Variants in MYO5C observed in about 807,000 individuals in gnomAD.
The protein encoded by MYO5C is unconventional myosin-Vc.
Under a neutral mutation model 235.7 loss-of-function variants are expected in MYO5C, and 194 were observed. The observed-to-expected ratio is 0.82, with a 90% confidence interval of 0.73 to 0.93. MYO5C has a LOEUF of 0.93. Ranked by LOEUF, MYO5C falls within the 40% of genes least tolerant of loss-of-function variation. The probability of loss-of-function intolerance (pLI) is 0.00; values close to 1 mark genes in which losing one functional copy is unlikely to be tolerated. For synonymous variants in MYO5C, 707 were observed against 754.8 expected (o/e 0.94, Z 1.04); for missense variants, 2,038 against 2,127.2 (o/e 0.96, Z 0.82).
At chr15:52,272,834 T>C (rs2036956078) in intron 5 of MYO5C, 111 bp from the exon 6 acceptor site, 3 of 1,077,400 alleles carry the variant, frequency 2.8e-6, no homozygotes, top group East Asian at 2.5e-5. Context: ...GAAGGTCTGA[T>C]TGGCAGAGGG....
intron 1 of MYO5C, among the ~76,000 whole-genome samples, chr15:52,291,634 C>T (rs1235085272): frequency 6.6e-6 from 1 of 151,688 alleles, no homozygotes; most frequent in Non-Finnish European, 1.5e-5. Context: ...CCCCAGCCTT[C>T]ATCCTTGTTG....
At chr15:52,262,716 T>G (rs893392589) in intron 9 of MYO5C, among the ~76,000 whole-genome samples, 4 of 152,222 alleles carry the variant, frequency 2.6e-5, no homozygotes, top group African/African-American at 9.6e-5. Context: ...CATGCTCCAC[T>G]CAGCTCTGCT....
chr15:52,269,366 C>T (rs2036872004), intron 8 of MYO5C, among the ~76,000 whole-genome samples: 1 of 148,884 alleles, frequency 6.7e-6, no homozygotes, highest in Non-Finnish European at 1.5e-5. Context: ...TACACATTTG[C>T]TGGGAATCCC....
At chr15:52,280,821 G>T (rs1041653358) in intron 2 of MYO5C, among the ~76,000 whole-genome samples, 1 of 152,174 alleles carries the variant, frequency 6.6e-6, no homozygotes, top group Non-Finnish European at 1.5e-5. Context: ...GTTGTCCAAG[G>T]TCACACAGTT....
Position 52,269,779 on chromosome 15 carries a change from T to A in MYO5C, c.914A>T (p.Glu305Val), listed in dbSNP as rs372576815. The change falls in exon 8 of 41, where the codon GAG (glutamate) becomes GTG (valine). Residue 305 changes from glutamate (E) to valine (V), a missense_variant. Physicochemically the swap from Glu to Val is moderately radical, Grantham distance 121. Coordinates refer to ENST00000261839, the MANE Select transcript of MYO5C (RefSeq NM_018728.4). ...EGVNDRAEMVETQKTFTLLGF... is the reference protein window; with the variant it reads ...EGVNDRAEMVVTQKTFTLLGF... The stretch of plus-strand genomic sequence containing the variant: ...CAGAAGCGTGAAGGTCTTTTGAGTC[T>A]CTACCATTTCAGCTCGATCATTCAC... 36 of 1,613,042 alleles carry A rather than the reference T, an allele frequency of 2.2e-5. No individual in the cohort carries two copies. The highest frequency in any genetic ancestry group is 2.8e-5 in the Non-Finnish European group (33 of 1,179,244).
At chr15:52,223,121 C>A (rs1375926421) in intron 29 of MYO5C, among the ~76,000 whole-genome samples, 1 of 148,388 alleles carries the variant, frequency 6.7e-6, no homozygotes, top group African/African-American at 2.5e-5. Context: ...TGCACTCCAG[C>A]CTGGGCAACA....
At chr15:52,198,291 C>T (rs748355607) in intron 38 of MYO5C, among the ~76,000 whole-genome samples, 7 of 152,110 alleles carry the variant, frequency 4.6e-5, no homozygotes, top group Non-Finnish European at 8.8e-5. Context: ...CCTGAGATTG[C>T]ACCACTGTAG....
At chr15:52,220,507 C>T (rs988628400) in intron 30 of MYO5C, among the ~76,000 whole-genome samples, 3 of 152,026 alleles carry the variant, frequency 2.0e-5, no homozygotes, top group Non-Finnish European at 4.4e-5. Context: ...CGCATACTGC[C>T]AAGCCTGACT....
Position 52,193,723 on chromosome 15 carries a change from T to TA in MYO5C, c.*178dup, listed in dbSNP as rs1252738288. ...AATACAGCTGGTGTGTGTGAATTCTTACAAAATTACAGGAGCAGCATTGTC... is the reference window on the plus strand; with the variant it reads ...AATACAGCTGGTGTGTGTGAATTCTTAACAAAATTACAGGAGCAGCATTGTC... On this transcript the variant is annotated 3_prime_UTR_variant, in exon 41 of 41. Coordinates refer to ENST00000261839, the MANE Select transcript of MYO5C (RefSeq NM_018728.4). 2 of 636,406 alleles carry TA rather than the reference T, an allele frequency of 3.1e-6. No individual in the cohort carries two copies. The highest frequency in any genetic ancestry group is 5.3e-6 in the Non-Finnish European group (2 of 376,684). The allele number at this position is 636,406 out of a possible 1,614,324, so 39.4% of individuals were successfully genotyped here. A position where few individuals can be genotyped will look rare whatever the true frequency, so the allele number is the denominator to read the frequency against.
chr15:52,217,540 C>A (rs966602032), intron 32 of MYO5C, among the ~76,000 whole-genome samples: 7 of 152,178 alleles, frequency 4.6e-5, no homozygotes, highest in Non-Finnish European at 8.8e-5. Context: ...GGACAACAGG[C>A]GGTTGCTTCT....
rs993311548 is a variant in MYO5C at position 52,221,053 on chromosome 15, C to T, written c.3721+109G>A. 5 of 769,688 alleles carry T rather than the reference C, an allele frequency of 6.5e-6. No homozygotes were observed. The African/African-American group carries it at 8.8e-5, about 14-fold the overall frequency. The allele number at this position is 769,688 out of a possible 1,614,324, so 47.7% of individuals were successfully genotyped here. Reference sequence around the variant, plus strand: ...TTCTCACATTTGTTACCTGCCCAGCCCCCTAGAGAACCAGAGTTTAAAAGC... The same window carrying T: ...TTCTCACATTTGTTACCTGCCCAGCTCCCTAGAGAACCAGAGTTTAAAAGC... On this transcript the variant is annotated intron_variant, in intron 30 of 40. Transcript: ENST00000261839.
chr15:52,287,551 T>C (rs1281776180), intron 1 of MYO5C, among the ~76,000 whole-genome samples: 1 of 152,188 alleles, frequency 6.6e-6, no homozygotes, highest in African/African-American at 2.4e-5. Context: ...TATCAAAATA[T>C]ATGCCCCCCA....
intron 39 of MYO5C, among the ~76,000 whole-genome samples, 169 bp downstream of exon 39, chr15:52,196,140 T>A (rs552309118): frequency 1.4e-4 from 21 of 152,056 alleles, no homozygotes; most frequent in Admixed American, 1.2e-3. Flanking sequence ...CTAGTGTTAG[T>A]ATTTAATAAA....
At chr15:52,209,698 C>T (rs374449330) in intron 35 of MYO5C, among the ~76,000 whole-genome samples, 2 of 152,184 alleles carry the variant, frequency 1.3e-5, no homozygotes, top group East Asian at 1.9e-4. Context: ...ACAATGCCAG[C>T]TTGTCTTAAG....
At chr15:52,243,860 G>T (rs2036278059) in intron 19 of MYO5C, among the ~76,000 whole-genome samples, 1 of 152,178 alleles carries the variant, frequency 6.6e-6, no homozygotes. Context: ...GGCTTGGCTG[G>T]GGCTGCTGTG....
intron 1 of MYO5C, among the ~76,000 whole-genome samples, chr15:52,285,792 G>A (rs2037252230): frequency 1.3e-5 from 2 of 152,052 alleles, no homozygotes; most frequent in African/African-American, 2.4e-5. Context: ...CCAGGCTGGA[G>A]TGCAGTGGCG....
At chr15:52,255,319 G>A (rs1044630748) in intron 11 of MYO5C, among the ~76,000 whole-genome samples, 8 of 152,198 alleles carry the variant, frequency 5.3e-5, no homozygotes, top group African/African-American at 1.9e-4. Context: ...GGGTTCTGAG[G>A]GAGCATAAGA....
At chr15:52,265,251 T>C (rs1184905991) in intron 8 of MYO5C, 1 of 152,270 alleles carries the variant, frequency 6.6e-6, no homozygotes, top group Non-Finnish European at 1.5e-5. Flanking sequence ...AACCAGCTGC[T>C]AGAAAGGACT....
intron 13 of MYO5C, 130 bp from the exon 14 acceptor site, chr15:52,248,913 G>A (rs2036411776): frequency 3.1e-6 from 2 of 646,250 alleles, no homozygotes; most frequent in Middle Eastern, 2.7e-4. Flanking sequence ...AAAGACGTCT[G>A]GCTTCTGTGC....
Sources: allele counts gnomAD v4.1 joint callset (sites outside exome capture counted in the v4.1 genomes callset), GRCh38; gene constraint gnomAD v4.1.1; transcripts MANE v1.5; gene names NCBI Gene and HGNC (gene_info 2026-07-23, HGNC 2026-07-21).